The following CNTN6 variants were observed in gnomAD, a reference collection of about 807,000 sequenced individuals.
The protein encoded by CNTN6 is contactin 6.
CNTN6 carries 137 observed loss-of-function variants against 122.8 expected under a neutral mutation model. The observed-to-expected ratio is 1.12, with a 90% CI of 0.97 to 1.29. The LOEUF is 1.29. Among genes scored for constraint, CNTN6 ranks in the 50% most tolerant of loss-of-function variants. The probability of loss-of-function intolerance (pLI) is 0.00; values close to 1 mark genes in which losing one functional copy is unlikely to be tolerated. For synonymous variants in CNTN6, 570 were observed against 426.0 expected, an observed-to-expected ratio of 1.34 and a Z score of -4.16; for missense variants, 1,634 against 1,223.4, an observed-to-expected ratio of 1.34 and a Z score of -5.01.
chr3:1,188,818 T>G (rs2093662591), intron 2 of CNTN6, among the ~76,000 whole-genome samples: 1 of 152,218 alleles, frequency 6.6e-6, no homozygotes, highest in Admixed American at 6.5e-5. Flanking sequence ...TTACCACTGC[T>G]TTTCTATTAG....
At position 1,372,480 on chromosome 3, in the gene CNTN6, T is replaced by A; in HGVS notation, c.1668+6T>A. On this transcript the variant is annotated splice_donor_region_variant and intron_variant, in intron 13 of 22. Coordinates refer to ENST00000446702, the MANE Select transcript of CNTN6 (RefSeq NM_001289080.2). ...ATTTTGAAAGGATTGGAGGAGTAAG[T>A]TACTGAAATTGTTAAGTGCTTAATA... 1.3e-6 allele frequency: 2 copies of A among 1,595,708 alleles called. No homozygotes were observed. Among genetic ancestry groups the A allele is most frequent in the Non-Finnish European group, 1.7e-6 (2 of 1,172,680 alleles).
At chr3:1,249,188 G>T (rs935018600) in intron 4 of CNTN6, among the ~76,000 whole-genome samples, 1 of 152,054 alleles carries the variant, frequency 6.6e-6, no homozygotes, top group African/African-American at 2.4e-5. Context: ...GGTGATAGAA[G>T]GAATAGCTCT....
intron 4 of CNTN6, among the ~76,000 whole-genome samples, chr3:1,259,055 G>C (rs953274656): frequency 1.3e-5 from 2 of 152,120 alleles, no homozygotes; most frequent in Non-Finnish European, 2.9e-5. Context: ...CAGTGAGTAG[G>C]ATTTAGCTCA....
chr3:1,118,492 A>G (rs1439792082), intron 1 of CNTN6, among the ~76,000 whole-genome samples: 4 of 152,222 alleles, frequency 2.6e-5, no homozygotes, highest in Non-Finnish European at 4.4e-5. Flanking sequence ...TCACTGATCC[A>G]AAGTCCTAAG....
At position 1,295,690 on chromosome 3, in the gene CNTN6, T is replaced by C. The variant is rs199924547; in HGVS notation, c.544T>C (p.Tyr182His). The C allele has an allele frequency of 9.3e-6, 15 of 1,613,966 alleles. No individual in the cohort carries two copies. The highest frequency in any genetic ancestry group is 1.3e-5 in the Non-Finnish European group (15 of 1,179,948). ...TGTATCTCAAGAGACGGGAAACTTG[T>C]ACATTGCCAAAGTGGAACCATCAGA... ...RFVSQETGNL[Y>H]IAKVEPSDVG... The change falls in exon 6 of 23, where the codon TAC becomes CAC. Residue 182 changes from tyrosine to histidine, a missense_variant. Transcript: ENST00000446702.
intron 4 of CNTN6, among the ~76,000 whole-genome samples, chr3:1,263,689 C>T (rs2094883399): frequency 6.6e-6 from 1 of 152,028 alleles, no homozygotes; most frequent in Admixed American, 6.6e-5. Flanking sequence ...ATTTATTAAA[C>T]ATGTTCTTGT....
At chr3:1,214,046 G>A (rs1224622963) in intron 2 of CNTN6, among the ~76,000 whole-genome samples, 1 of 151,780 alleles carries the variant, frequency 6.6e-6, no homozygotes, top group African/African-American at 2.4e-5. Flanking sequence ...ATCTTATCGA[G>A]GTTGTAGCAT....
chr3:1,303,213 A>G (rs966667049), intron 7 of CNTN6, among the ~76,000 whole-genome samples: 1 of 72,068 alleles, frequency 1.4e-5, no homozygotes, highest in Non-Finnish European at 3.6e-5. Flanking sequence ...TCAAAATTAC[A>G]GTCTGATAAC....
rs537310348 is a variant in CNTN6, at chr3:1,136,267, C to G, written c.-82-11660C>G. ...CCAAGAACAGAGATTCTAAGACTTACTCAAACTACATTGTTAGCTATTGAC... is the reference window on the plus strand; with the variant it reads ...CCAAGAACAGAGATTCTAAGACTTAGTCAAACTACATTGTTAGCTATTGAC... On this transcript the variant is annotated intron_variant, in intron 1 of 22. Coordinates refer to ENST00000446702, the MANE Select transcript of CNTN6 (RefSeq NM_001289080.2). Among the ~76,000 whole-genome samples the G allele has an allele frequency of 8.1e-4, 123 of 152,236 alleles. 1 individual carries two copies. The Middle Eastern group carries it at 0.014, about 17-fold the overall frequency.
intron 2 of CNTN6, among the ~76,000 whole-genome samples, chr3:1,215,848 CCTT>C (rs961747798): frequency 6.6e-6 from 1 of 151,386 alleles, no homozygotes; most frequent in South Asian, 2.1e-4. Context: ...TTTTTTTTCT[CCTT>C]CTTAGCTCCA....
At chr3:1,126,563 G>C (rs1209041868) in intron 1 of CNTN6, among the ~76,000 whole-genome samples, 1 of 151,732 alleles carries the variant, frequency 6.6e-6, no homozygotes, top group Non-Finnish European at 1.5e-5. Context: ...TTTTCCTACT[G>C]TCTGTCACCA....
At chr3:1,328,096 C>CAGA (rs141397812) in intron 10 of CNTN6, among the ~76,000 whole-genome samples, 14,573 of 151,760 alleles carry the variant, frequency 0.096, 765 homozygotes, top group Non-Finnish European at 0.12. Flanking sequence ...ATGCTCAAGG[C>CAGA]AGAAGAGCGA....
intron 2 of CNTN6, among the ~76,000 whole-genome samples, chr3:1,170,439 C>A (rs1478477691): frequency 6.6e-6 from 1 of 152,022 alleles, no homozygotes; most frequent in East Asian, 1.9e-4. Flanking sequence ...AATCGAGTGT[C>A]TATTTAAATA....
rs10599744 is a variant in CNTN6 at position 1,277,346 on chromosome 3, C to CTTTTTTTTTTTTTTTTTTTTTTTTTTTTT, written c.359-1064_359-1036dup. Reference sequence around the variant, plus strand: ...CTACTTCTGTCTTTTAGTAGGTTTTCTTTTTTTTTTTTTTTTTTTTTTTTT... The same window carrying CTTTTTTTTTTTTTTTTTTTTTTTTTTTTT: ...CTACTTCTGTCTTTTAGTAGGTTTTCTTTTTTTTTTTTTTTTTTTTTTTTTTTTTTTTTTTTTTTTTTTTTTTTTTTTTT... On this transcript the variant is annotated intron_variant, in intron 4 of 22. Transcript: ENST00000446702. Among the ~76,000 whole-genome samples, 8 of 80,186 alleles carry CTTTTTTTTTTTTTTTTTTTTTTTTTTTTT rather than the reference C, an allele frequency of 1.0e-4. 1 individual carries two copies. The highest frequency in any genetic ancestry group is 0.011 in the Middle Eastern group (1 of 92). 52.6% of individuals were successfully genotyped at this position (80,186 alleles called of 152,430 possible).
chr3:1,391,798 A>C lies in CNTN6; in HGVS notation c.2704+6001A>C, dbSNP rs1326814753. On this transcript the variant is annotated intron_variant, in intron 20 of 22. Coordinates refer to ENST00000446702, the MANE Select transcript of CNTN6 (RefSeq NM_001289080.2). ...AGAGCCAAATCATGAGTGAACTCCC[A>C]TTCACAATTGCTTCAAAGAGAATAA... is the stretch of plus-strand genomic sequence containing the variant. Among the ~76,000 whole-genome samples, 117 of 151,198 alleles carry C rather than the reference A, an allele frequency of 7.7e-4. 1 individual carries two copies. Among genetic ancestry groups the C allele is most frequent in the African/African-American group, 2.7e-3 (111 of 41,198 alleles).
intron 5 of CNTN6, among the ~76,000 whole-genome samples, chr3:1,288,592 T>C (rs911172990): frequency 6.6e-6 from 1 of 152,198 alleles, no homozygotes; most frequent in African/African-American, 2.4e-5. Flanking sequence ...AGTTCTTTAT[T>C]CTACTCATTT....
chr3:1,374,316 CTG>C (rs1292796966), intron 16 of CNTN6, among the ~76,000 whole-genome samples: 3 of 152,058 alleles, frequency 2.0e-5, no homozygotes, highest in South Asian at 4.1e-4. Context: ...TCTTAGGAAA[CTG>C]TGTTTGCATC....
At chr3:1,178,099 C>T (rs1001214970) in intron 2 of CNTN6, among the ~76,000 whole-genome samples, 2 of 152,100 alleles carry the variant, frequency 1.3e-5, no homozygotes, top group Non-Finnish European at 2.9e-5. Flanking sequence ...CAGGGTTTCA[C>T]CATGTTGGCC....
At position 1,373,642 on chromosome 3, in the gene CNTN6, A is replaced by G; in HGVS notation, c.1825A>G (p.Ile609Val). The change falls in exon 15 of 23, where the codon ATT (isoleucine) becomes GTT (valine). Residue 609 changes from isoleucine to valine, a missense_variant. By Grantham distance (29) the Ile-to-Val change is conservative. Transcript: ENST00000446702. ...GPPEDVQVED[I>V]SSTTSQLSWR... ...TCCTGAGGATGTGCAAGTGGAAGAC[A>G]TTTCCAGTACTACTTCTCAACTAAG... 1 of 1,612,812 alleles carries G rather than the reference A, an allele frequency of 6.2e-7. No homozygotes were observed. The highest frequency in any genetic ancestry group is 1.1e-5 in the South Asian group (1 of 91,022).
Sources: allele counts gnomAD v4.1 joint callset (sites outside exome capture counted in the v4.1 genomes callset), GRCh38; gene constraint gnomAD v4.1.1; transcripts MANE v1.5; gene names NCBI Gene and HGNC (gene_info 2026-07-23, HGNC 2026-07-21).